The following DLG2 variants were observed in gnomAD, a reference collection of about 807,000 sequenced individuals.
The protein encoded by DLG2 is disks large homolog 2.
DLG2 carries 45 observed loss-of-function variants against 132.5 expected under a neutral mutation model. That is an observed-to-expected ratio of 0.34 (90% confidence interval 0.27 to 0.44). The LOEUF (loss-of-function observed/expected upper bound fraction) is 0.44. Among genes scored for constraint, DLG2 ranks in the 20% least tolerant of loss-of-function variants. DLG2 has a pLI of 1.00. For synonymous variants in DLG2, 424 were observed against 419.6 expected (o/e 1.01, Z -0.13); for missense variants, 1,045 against 1,196.9 (o/e 0.87, Z 1.87).
intron 8 of DLG2, among the ~76,000 whole-genome samples, chr11:84,228,396 A>G (rs562831824): frequency 2.1e-4 from 32 of 152,276 alleles, no homozygotes; most frequent in African/African-American, 7.0e-4. Context: ...CAGCTGCTCA[A>G]TTGTTAGTTA....
intron 4 of DLG2, among the ~76,000 whole-genome samples, chr11:85,175,903 C>A (rs1444391831): frequency 1.3e-5 from 2 of 152,040 alleles, no homozygotes; most frequent in Non-Finnish European, 2.9e-5. Flanking sequence ...ATATAGCTAA[C>A]AAATGAAGTG....
intron 16 of DLG2, among the ~76,000 whole-genome samples, chr11:83,864,480 GT>G (rs1400409191): frequency 6.6e-6 from 1 of 152,186 alleles, no homozygotes; most frequent in African/African-American, 2.4e-5. Flanking sequence ...AATGGTGCTT[GT>G]CCCCTGCAAA....
intron 7 of DLG2, among the ~76,000 whole-genome samples, chr11:84,262,839 A>G (rs1290345627): frequency 6.6e-6 from 1 of 152,194 alleles, no homozygotes; most frequent in Non-Finnish European, 1.5e-5. Context: ...CATCCAGGTC[A>G]CTGCAAATGC....
At chr11:85,536,660 C>T (rs1178897436) in intron 3 of DLG2, among the ~76,000 whole-genome samples, 2 of 152,226 alleles carry the variant, frequency 1.3e-5, no homozygotes, top group Admixed American at 1.3e-4. Flanking sequence ...GTGCGGTGCT[C>T]ACAGGCCAGT....
intron 18 of DLG2, among the ~76,000 whole-genome samples, chr11:83,767,361 TAC>T (rs2094189340): frequency 1.3e-5 from 2 of 152,226 alleles, no homozygotes; most frequent in South Asian, 2.1e-4. Flanking sequence ...CACCTGGGAT[TAC>T]AGTTATAATT....
intron 8 of DLG2, among the ~76,000 whole-genome samples, chr11:84,183,475 A>C (rs2096196689): frequency 6.6e-6 from 1 of 152,176 alleles, no homozygotes; most frequent in African/African-American, 2.4e-5. Flanking sequence ...CTGCTCTTAA[A>C]AAAGTTATTA....
chr11:84,742,319 C>A (rs768238581), intron 6 of DLG2, among the ~76,000 whole-genome samples: 31 of 151,922 alleles, frequency 2.0e-4, no homozygotes, highest in Non-Finnish European at 3.8e-4. Flanking sequence ...TATATTAAAC[C>A]CAAATATGTT....
chr11:84,696,145 G>T (rs1340195356), intron 6 of DLG2, among the ~76,000 whole-genome samples: 1 of 151,480 alleles, frequency 6.6e-6, no homozygotes, highest in Non-Finnish European at 1.5e-5. Context: ...GGTCTGGTAG[G>T]TAAAAAGTCA....
chr11:84,786,477 G>C (rs1421493581), intron 6 of DLG2, among the ~76,000 whole-genome samples: 1 of 152,160 alleles, frequency 6.6e-6, no homozygotes, highest in Non-Finnish European at 1.5e-5. Flanking sequence ...AATACAGCTA[G>C]AAAGAACTAC....
intron 18 of DLG2, among the ~76,000 whole-genome samples, chr11:83,705,219 T>A (rs1302884387): frequency 6.6e-6 from 1 of 152,196 alleles, no homozygotes; most frequent in African/African-American, 2.4e-5. Context: ...AAACTTCTTT[T>A]CTCCAGGCTA....
At chr11:85,265,579 A>C (rs1248357046) in intron 4 of DLG2, among the ~76,000 whole-genome samples, 2 of 152,214 alleles carry the variant, frequency 1.3e-5, no homozygotes, top group Non-Finnish European at 2.9e-5. Flanking sequence ...CCCCACCTTC[A>C]AGCCAAATGT....
At chr11:85,332,216 G>A (rs2081807948) in intron 3 of DLG2, among the ~76,000 whole-genome samples, 1 of 152,164 alleles carries the variant, frequency 6.6e-6, no homozygotes, top group Non-Finnish European at 1.5e-5. Context: ...ATCATGATTA[G>A]TGATAATAAA....
At chr11:85,542,336 AC>A (rs1285350729) in intron 3 of DLG2, among the ~76,000 whole-genome samples, 1 of 152,196 alleles carries the variant, frequency 6.6e-6, no homozygotes, top group Non-Finnish European at 1.5e-5. Flanking sequence ...CCACGGACCA[AC>A]AAAAAATGTG....
At chr11:84,116,419 A>G (rs760552908) in intron 9 of DLG2, among the ~76,000 whole-genome samples, 6 of 152,198 alleles carry the variant, frequency 3.9e-5, no homozygotes, top group African/African-American at 1.4e-4. Context: ...AAGGAAAGAG[A>G]TTTAATGGAC....
At chr11:84,016,864 G>T (rs557576528) in intron 11 of DLG2, among the ~76,000 whole-genome samples, 4 of 152,054 alleles carry the variant, frequency 2.6e-5, no homozygotes, top group Non-Finnish European at 5.9e-5. Context: ...CTGAGTCAAG[G>T]TTGCAGTATT....
chr11:84,734,732 G>C (rs2063602496), intron 6 of DLG2, among the ~76,000 whole-genome samples: 1 of 152,128 alleles, frequency 6.6e-6, no homozygotes, highest in South Asian at 2.1e-4. Flanking sequence ...CAAAGGGAAT[G>C]TTTCCAGTTT....
chr11:83,861,946 T>G (rs909017308), intron 16 of DLG2, among the ~76,000 whole-genome samples: 1 of 152,234 alleles, frequency 6.6e-6, no homozygotes, highest in African/African-American at 2.4e-5. Flanking sequence ...CATGTGCTTA[T>G]TTCACATTGC....
intron 7 of DLG2, among the ~76,000 whole-genome samples, chr11:84,280,761 G>T (rs994493384): frequency 2.7e-5 from 4 of 150,584 alleles, no homozygotes; most frequent in Non-Finnish European, 5.9e-5. Context: ...GCAGTGGCAC[G>T]ATCTCAGCTC....
At chr11:85,192,669 T>C (rs929015150) in intron 4 of DLG2, among the ~76,000 whole-genome samples, 2 of 152,246 alleles carry the variant, frequency 1.3e-5, no homozygotes, top group African/African-American at 4.8e-5. Flanking sequence ...AATATTTCCT[T>C]AGATTATAAT....
Sources: allele counts gnomAD v4.1 joint callset (sites outside exome capture counted in the v4.1 genomes callset), GRCh38; gene constraint gnomAD v4.1.1; transcripts MANE v1.5; gene names NCBI Gene and HGNC (gene_info 2026-07-23, HGNC 2026-07-21).